Variants in CSGALNACT1 observed in about 807,000 individuals in gnomAD.
CSGALNACT1 encodes beta4GalNAcT-1.
In CSGALNACT1, 52 loss-of-function variants were observed where a neutral mutation model predicts 51.0. That is an observed-to-expected ratio of 1.02 (90% CI 0.82 to 1.29). The LOEUF (loss-of-function observed/expected upper bound fraction) is 1.29. CSGALNACT1 is among the 50% of genes most tolerant of loss of function. CSGALNACT1 has a pLI of 0.00. For missense variants in CSGALNACT1, 935 were observed against 679.2 expected (o/e 1.38, Z -4.19); for synonymous variants, 341 against 254.4 (o/e 1.34, Z -3.24).
chr8:19,571,661 T>G (rs2154111131), intron 3 of CSGALNACT1, among the ~76,000 whole-genome samples: 1 of 152,284 alleles, frequency 6.6e-6, no homozygotes, highest in South Asian at 2.1e-4. Context: ...AAAATTATAT[T>G]GGAAAGTCAC....
chr8:19,571,481 A>T (rs1201461852), intron 3 of CSGALNACT1, among the ~76,000 whole-genome samples: 1 of 152,060 alleles, frequency 6.6e-6, no homozygotes, highest in Non-Finnish European at 1.5e-5. Flanking sequence ...AACAAAAAAA[A>T]AAAACAGAAC....
chr8:19,641,035 G>C (rs1167869679), intron 1 of CSGALNACT1, among the ~76,000 whole-genome samples: 1 of 148,680 alleles, frequency 6.7e-6, no homozygotes. Context: ...GGATCATTTT[G>C]TAATCCATTT....
rs542178755 is a variant in CSGALNACT1 at position 19,524,895 on chromosome 8, C to G, written c.-296-18765G>C. Among the ~76,000 whole-genome samples, 9 of 152,226 alleles carry G rather than the reference C, an allele frequency of 5.9e-5. No homozygotes were observed. The East Asian group carries it at 1.5e-3, about 26-fold the overall frequency. On this transcript the variant is annotated intron_variant, in intron 3 of 9. Coordinates refer to ENST00000454498, the Ensembl canonical transcript of CSGALNACT1. Reference sequence around the variant, plus strand: ...CAGCCTAAGAATCAGGCAAAAGATGCTGGAAATAAAGAGAGAAAGAGAGAC... The same window carrying G: ...CAGCCTAAGAATCAGGCAAAAGATGGTGGAAATAAAGAGAGAAAGAGAGAC...
chr8:19,745,794 G>A lies in CSGALNACT1; in HGVS notation c.-297+12056C>T, dbSNP rs540486558. Among the ~76,000 whole-genome samples, 24 of 152,272 alleles carry A rather than the reference G, an allele frequency of 1.6e-4. No individual in the cohort carries two copies. In the East Asian group the frequency reaches 1.9e-3, roughly 12 times the overall value. ...AGAAAGTCGATCTCAGAGAAAACGC[G>A]TATTGCAAGGGAAGAAGGTTTTAAT... On this transcript the variant is annotated intron_variant, in intron 1 of 1. Coordinates refer to the CSGALNACT1 transcript ENST00000517494.
intron 6 of CSGALNACT1, among the ~76,000 whole-genome samples, chr8:19,434,082 C>G (rs184547939): frequency 1.4e-3 from 207 of 152,280 alleles, no homozygotes; most frequent in African/African-American, 4.9e-3. Flanking sequence ...TGGATAAATG[C>G]TCTCCAGATT....
At chr8:19,569,223 T>A (rs2154107130) in intron 3 of CSGALNACT1, among the ~76,000 whole-genome samples, 1 of 152,270 alleles carries the variant, frequency 6.6e-6, no homozygotes. Flanking sequence ...ACTGAAAAGA[T>A]GCTACAGACA....
chr8:19,478,708 C>G (rs1032974925), intron 4 of CSGALNACT1, among the ~76,000 whole-genome samples: 35 of 152,168 alleles, frequency 2.3e-4, no homozygotes, highest in African/African-American at 8.4e-4. Flanking sequence ...ATAATGACCC[C>G]CCCTTTCTCC....
In CSGALNACT1 at chr8:19,513,404, T is replaced by TTCTCTCTC. The variant is rs146482632; in HGVS notation, c.-296-7282_-296-7275dup. 1.6e-3 allele frequency among the ~76,000 whole-genome samples: 148 copies of TTCTCTCTC among 94,844 alleles called. 7 individuals carry two copies. The highest frequency in any genetic ancestry group is 4.1e-3 in the East Asian group (7 of 1,718). 62.2% of individuals were successfully genotyped at this position (94,844 alleles called of 152,430 possible). ...CCCAGTACATTCTGTTCATAGAATTTTCTCTCTCTCACTCTCTCTCTCTCT... is the reference window on the plus strand; with the variant it reads ...CCCAGTACATTCTGTTCATAGAATTTTCTCTCTCTCTCTCTCTCACTCTCTCTCTCTCT... On this transcript the variant is annotated intron_variant, in intron 3 of 9. Transcript: ENST00000454498.
intron 1 of CSGALNACT1, among the ~76,000 whole-genome samples, chr8:19,614,294 G>T (rs542512400): frequency 6.6e-6 from 1 of 152,082 alleles, no homozygotes; most frequent in East Asian, 1.9e-4. Flanking sequence ...AATAATGTAC[G>T]CAAAATTCCA....
chr8:19,546,360 A>G (rs2086466587), intron 3 of CSGALNACT1, among the ~76,000 whole-genome samples: 1 of 152,104 alleles, frequency 6.6e-6, no homozygotes, highest in African/African-American at 2.4e-5. Flanking sequence ...CACAATACCC[A>G]TCTGTCAATC....
At chr8:19,733,852 T>C (rs1339527706) in intron 1 of CSGALNACT1, among the ~76,000 whole-genome samples, 2 of 152,162 alleles carry the variant, frequency 1.3e-5, no homozygotes, top group African/African-American at 4.8e-5. Context: ...AGGGAACCTC[T>C]GCTGCCATCC....
At chr8:19,423,525 C>A (rs897154065) in intron 6 of CSGALNACT1, among the ~76,000 whole-genome samples, 2 of 152,200 alleles carry the variant, frequency 1.3e-5, no homozygotes, top group African/African-American at 4.8e-5. Context: ...CTAATAAATG[C>A]TGTTCTCTCC....
chr8:19,610,920 C>A (rs2052164067), intron 1 of CSGALNACT1, among the ~76,000 whole-genome samples: 1 of 152,234 alleles, frequency 6.6e-6, no homozygotes, highest in Non-Finnish European at 1.5e-5. Context: ...ATGCCCACTG[C>A]GGCTTCCGGA....
chr8:19,419,038 G>A (rs1477614142), intron 7 of CSGALNACT1, among the ~76,000 whole-genome samples: 4 of 152,018 alleles, frequency 2.6e-5, no homozygotes, highest in East Asian at 1.9e-4. Flanking sequence ...TAGAGATGGG[G>A]TTTCACCATG....
chr8:19,488,362 TATATATAC>T (rs1427782502), intron 4 of CSGALNACT1, among the ~76,000 whole-genome samples: 5 of 86,216 alleles, frequency 5.8e-5, no homozygotes, highest in Non-Finnish European at 1.1e-4. Flanking sequence ...TATATATATT[TATATATAC>T]ATATATATAT....
At chr8:19,507,377 T>C (rs1487848197) in intron 3 of CSGALNACT1, among the ~76,000 whole-genome samples, 1 of 151,946 alleles carries the variant, frequency 6.6e-6, no homozygotes, top group Non-Finnish European at 1.5e-5. Context: ...TCTCAACAAA[T>C]GAGAAGCCAG....
rs2059401265 is a variant in CSGALNACT1, at chr8:19,667,030, AG to A, written c.-544+15442del. 3.4e-4 allele frequency among the ~76,000 whole-genome samples: 14 copies of A among 41,306 alleles called. 1 individual carries two copies. Among genetic ancestry groups the A allele is most frequent in the South Asian group, 1.5e-3 (2 of 1,368 alleles). The allele number at this position is 41,306 out of a possible 152,430, so 27.1% of individuals were successfully genotyped here. A position where few individuals can be genotyped will look rare whatever the true frequency, so the allele number is the denominator to read the frequency against. On this transcript the variant is annotated intron_variant, in intron 1 of 9. Transcript: ENST00000332246. ...AAGAAAGAAAGAAAGGAAGGAAGGA[AG>A]GAAGGAAGGAAGAAAGAAAGAAAGA...
chr8:19,548,942 C>T (rs944400737), intron 3 of CSGALNACT1, among the ~76,000 whole-genome samples: 3 of 152,014 alleles, frequency 2.0e-5, no homozygotes, highest in Admixed American at 6.6e-5. Flanking sequence ...CCTCAGCCTC[C>T]CAAGTAGCTG....
At chr8:19,595,675 G>A (rs1385892522) in intron 2 of CSGALNACT1, among the ~76,000 whole-genome samples, 1 of 151,752 alleles carries the variant, frequency 6.6e-6, no homozygotes, top group East Asian at 1.9e-4. Flanking sequence ...CAGCACTTTG[G>A]GAGGCCAAGG....
Sources: allele counts gnomAD v4.1 joint callset (sites outside exome capture counted in the v4.1 genomes callset), GRCh38; gene constraint gnomAD v4.1.1; transcripts MANE v1.5; gene names NCBI Gene and HGNC (gene_info 2026-07-23, HGNC 2026-07-21).